PDE10A: variants seen among roughly 807,000 people sequenced by gnomAD.
PDE10A encodes phosphodiesterase 10A, also known as cAMP and cAMP-inhibited cGMP 3',5'-cyclic phosphodiesterase 10A.
Under a neutral mutation model 97.7 loss-of-function variants are expected in PDE10A, and 39 were observed. That is an observed-to-expected ratio of 0.40 (90% confidence interval 0.31 to 0.52). The LOEUF (loss-of-function observed/expected upper bound fraction) is 0.52. Among genes scored for constraint, PDE10A ranks in the 20% least tolerant of loss-of-function variants. PDE10A has a pLI of 0.56. For missense variants in PDE10A, 731 were observed against 1,047.8 expected, an observed-to-expected ratio of 0.70 and a Z score of 4.17; for synonymous variants, 371 against 376.8, an observed-to-expected ratio of 0.98 and a Z score of 0.18.
chr6:165,705,882 T>C (rs537319077), intron 1 of PDE10A, among the ~76,000 whole-genome samples: 2 of 152,292 alleles, frequency 1.3e-5, no homozygotes, highest in East Asian at 1.9e-4. Flanking sequence ...CTTTTAATAA[T>C]AGCAGAAGTG....
intron 1 of PDE10A, chr6:165,754,242 A>G (rs1793068090): frequency 6.6e-6 from 1 of 152,144 alleles, no homozygotes; most frequent in African/African-American, 2.4e-5. Context: ...GCTTGCTCCC[A>G]TTTGTACCCT....
chr6:165,631,350 G>A (rs753005344), intron 1 of PDE10A, among the ~76,000 whole-genome samples: 15 of 152,080 alleles, frequency 9.9e-5, no homozygotes, highest in Non-Finnish European at 1.8e-4. Flanking sequence ...TGTTACATGC[G>A]TATAAAATAA....
Position 165,917,361 on chromosome 6 carries a change from G to A in PDE10A, c.-615+70168C>T, listed in dbSNP as rs145205355. Reference sequence around the variant, plus strand: ...GCAATTAGGACTCAACCCCGGTCTAGAAGGCACACATCACCTCCATCATCC... The same window carrying A: ...GCAATTAGGACTCAACCCCGGTCTAAAAGGCACACATCACCTCCATCATCC... On this transcript the variant is annotated intron_variant, in intron 1 of 19. Transcript: ENST00000366882. 4.3e-3 allele frequency among the ~76,000 whole-genome samples: 661 copies of A among 152,276 alleles called. 3 individuals carry two copies. Among genetic ancestry groups the A allele is most frequent in the African/African-American group, 0.015 (618 of 41,552 alleles).
At chr6:165,674,765 G>A (rs1042353016) in intron 1 of PDE10A, among the ~76,000 whole-genome samples, 1 of 152,216 alleles carries the variant, frequency 6.6e-6, no homozygotes, top group Non-Finnish European at 1.5e-5. Context: ...TGTGTACATA[G>A]TCAGTTGCCT....
chr6:165,512,268 C>T (rs1781548970), intron 2 of PDE10A, among the ~76,000 whole-genome samples: 1 of 151,878 alleles, frequency 6.6e-6, no homozygotes, highest in Non-Finnish European at 1.5e-5. Flanking sequence ...CTTCCTTGAA[C>T]ATTTCTTGTA....
At chr6:165,507,135 G>T (rs1042165940) in intron 2 of PDE10A, among the ~76,000 whole-genome samples, 2 of 152,042 alleles carry the variant, frequency 1.3e-5, no homozygotes, top group African/African-American at 4.8e-5. Context: ...TTTCATGCTG[G>T]AGTTGAAATT....
At chr6:165,835,376 C>T in intron 1 of PDE10A, among the ~76,000 whole-genome samples, 1 of 152,228 alleles carries the variant, frequency 6.6e-6, no homozygotes, top group East Asian at 1.9e-4. Flanking sequence ...CCGCTGGTCA[C>T]TGTCCAACAA....
chr6:165,391,564 GACAA>G (rs532511003), intron 16 of PDE10A, among the ~76,000 whole-genome samples: 194 of 152,172 alleles, frequency 1.3e-3, no homozygotes, highest in Middle Eastern at 6.8e-3. Context: ...ACTTTGTTAA[GACAA>G]ACAAATGAAA....
chr6:165,855,518 C>T (rs1420612092), intron 1 of PDE10A, among the ~76,000 whole-genome samples: 1 of 151,536 alleles, frequency 6.6e-6, no homozygotes, highest in Non-Finnish European at 1.5e-5. Context: ...TGCACCCCCA[C>T]GCAGCCCGGG....
intron 1 of PDE10A, among the ~76,000 whole-genome samples, chr6:165,765,555 G>C (rs1024937080): frequency 6.6e-6 from 1 of 152,236 alleles, no homozygotes; most frequent in Non-Finnish European, 1.5e-5. Flanking sequence ...GCCTGGGGCC[G>C]GCAGGGCCGG....
intron 2 of PDE10A, among the ~76,000 whole-genome samples, chr6:165,494,536 ATT>A (rs1491295113): frequency 9.9e-5 from 14 of 141,016 alleles, no homozygotes; most frequent in African/African-American, 3.8e-4. Context: ...ATATATATAT[ATT>A]TATTTATTTA....
At position 165,461,582 on chromosome 6, in the gene PDE10A, G is replaced by A. The variant is rs1041708996; in HGVS notation, c.1024-11220C>T. Among the ~76,000 whole-genome samples the A allele has an allele frequency of 9.2e-5, 14 of 152,164 alleles. No individual in the cohort carries two copies. In the East Asian group the frequency reaches 2.5e-3, roughly 27 times the overall value. ...CAGTTAATTGAAAATGCTCAGTTAC[G>A]ATTTCATACAGATGAACAACTGATG... On this transcript the variant is annotated intron_variant, in intron 3 of 21. Transcript: ENST00000539869.
chr6:165,482,433 G>T, intron 2 of PDE10A, 90 bp from the exon 3 acceptor site: 1 of 1,020,396 alleles, frequency 9.8e-7, no homozygotes, highest in African/African-American at 1.6e-5. Flanking sequence ...CAATAAACTT[G>T]AAGGGTTTTT....
At chr6:165,633,070 T>TCA (rs1343044809) in intron 1 of PDE10A, among the ~76,000 whole-genome samples, 1 of 136,850 alleles carries the variant, frequency 7.3e-6, no homozygotes, top group East Asian at 2.0e-4. Flanking sequence ...GAAAGAAAAG[T>TCA]CACCGTGTCA....
intron 1 of PDE10A, among the ~76,000 whole-genome samples, chr6:165,807,571 G>A (rs1446723181): frequency 1.3e-5 from 2 of 152,154 alleles, no homozygotes; most frequent in African/African-American, 4.8e-5. Context: ...GAGAATTGTG[G>A]CTAATGGAAA....
intron 1 of PDE10A, chr6:165,576,469 A>T: frequency 1.3e-6 from 1 of 780,422 alleles, no homozygotes; most frequent in East Asian, 2.4e-5. Context: ...TTTCCTTCAA[A>T]GTCTTCTCTA....
intron 1 of PDE10A, among the ~76,000 whole-genome samples, chr6:165,767,822 T>C (rs372893944): frequency 2.6e-5 from 4 of 152,354 alleles, no homozygotes; most frequent in African/African-American, 9.6e-5. Context: ...TCACTCTCTC[T>C]ATGTTTGATT....
At chr6:165,783,588 C>T (rs948389247) in intron 1 of PDE10A, among the ~76,000 whole-genome samples, 4 of 55,370 alleles carry the variant, frequency 7.2e-5, no homozygotes, top group Admixed American at 5.2e-4. Context: ...TGAAAGGAAA[C>T]GAGTCACATA....
intron 1 of PDE10A, among the ~76,000 whole-genome samples, chr6:165,801,622 G>A (rs553947266): frequency 6.6e-6 from 1 of 152,194 alleles, no homozygotes; most frequent in Admixed American, 6.5e-5. Flanking sequence ...CATGTTAATT[G>A]TCTCAAGTCA....
Sources: gnomAD v4.1 joint callset for allele counts (sites outside exome capture counted in the v4.1 genomes callset) on GRCh38, gnomAD v4.1.1 for gene constraint, MANE v1.5 for transcripts, NCBI Gene and HGNC (gene_info 2026-07-23, HGNC 2026-07-21) for gene names.